CCNY: variants seen among roughly 807,000 people sequenced by gnomAD.
CCNY encodes the protein cyclin Y.
A neutral mutation model predicts 42.8 loss-of-function variants in CCNY; 19 were observed. The observed-to-expected ratio is 0.44, with a 90% CI of 0.31 to 0.65. The LOEUF (loss-of-function observed/expected upper bound fraction) is 0.65. Ranked by LOEUF, CCNY falls within the 30% of genes least tolerant of loss-of-function variation. CCNY has a pLI of 0.07. For synonymous variants in CCNY, 165 were observed against 162.7 expected (o/e 1.01, Z -0.11); for missense variants, 370 against 437.3 (o/e 0.85, Z 1.37).
At chr10:35,456,708 A>G (rs972453319) in intron 1 of CCNY, among the ~76,000 whole-genome samples, 1 of 152,222 alleles carries the variant, frequency 6.6e-6, no homozygotes, top group Non-Finnish European at 1.5e-5. Flanking sequence ...CTCAAGAACC[A>G]GAATGTTTGA....
chr10:35,412,498 G>A (rs929069114), intron 1 of CCNY, among the ~76,000 whole-genome samples: 2 of 152,012 alleles, frequency 1.3e-5, no homozygotes, highest in African/African-American at 2.4e-5. Flanking sequence ...CAGCAGGGAA[G>A]TATGAGGTCA....
intron 3 of CCNY, among the ~76,000 whole-genome samples, chr10:35,327,261 T>A (rs956279346): frequency 1.1e-4 from 16 of 152,184 alleles, no homozygotes; most frequent in Admixed American, 3.9e-4. Flanking sequence ...GCATATATAT[T>A]CAGTTTTGCA....
chr10:35,398,959 C>G (rs538695939), intron 1 of CCNY, among the ~76,000 whole-genome samples: 1 of 152,220 alleles, frequency 6.6e-6, no homozygotes, highest in Non-Finnish European at 1.5e-5. Context: ...ATCAGACATA[C>G]GCCGTGCTTG....
chr10:35,565,640 C>T (rs1841554454), intron 8 of CCNY, among the ~76,000 whole-genome samples: 1 of 152,234 alleles, frequency 6.6e-6, no homozygotes, highest in South Asian at 2.1e-4. Flanking sequence ...TGAGTGTTTT[C>T]CTCTGGGCCC....
chr10:35,255,856 A>G (rs1394222264), intron 3 of CCNY, among the ~76,000 whole-genome samples: 2 of 152,144 alleles, frequency 1.3e-5, no homozygotes, highest in Non-Finnish European at 2.9e-5. Flanking sequence ...CAGCCTCCCA[A>G]AATACTGGGA....
At chr10:35,427,625 ATACATATGT>A (rs1427785023) in intron 1 of CCNY, among the ~76,000 whole-genome samples, 2 of 152,276 alleles carry the variant, frequency 1.3e-5, no homozygotes, top group African/African-American at 4.8e-5. Context: ...AGATACACAC[ATACATATGT>A]TACATATATA....
intron 3 of CCNY, chr10:35,250,820 A>G (rs2095711491): frequency 6.6e-6 from 1 of 152,384 alleles, no homozygotes; most frequent in East Asian, 1.9e-4. Flanking sequence ...AGGGCTTCGC[A>G]TTCATGTTCA....
At chr10:35,352,826 G>C (rs182995665) in intron 1 of CCNY, among the ~76,000 whole-genome samples, 68 of 152,102 alleles carry the variant, frequency 4.5e-4, no homozygotes, top group African/African-American at 1.5e-3. Flanking sequence ...AGTGGTGAAG[G>C]GGGTGGGGCA....
At chr10:35,493,000 G>C (rs769760962) in intron 2 of CCNY, among the ~76,000 whole-genome samples, 4 of 152,192 alleles carry the variant, frequency 2.6e-5, no homozygotes, top group African/African-American at 4.8e-5. Context: ...GCATGGGGGG[G>C]GGAGGGCAGG....
intron 1 of CCNY, among the ~76,000 whole-genome samples, chr10:35,367,370 T>G (rs1488768927): frequency 6.6e-6 from 1 of 152,180 alleles, no homozygotes; most frequent in Admixed American, 6.5e-5. Context: ...CTCTGTAAAA[T>G]GGGACAGTAA....
At chr10:35,445,497 A>C (rs1689709450) in intron 1 of CCNY, among the ~76,000 whole-genome samples, 1 of 152,220 alleles carries the variant, frequency 6.6e-6, no homozygotes, top group South Asian at 2.1e-4. Flanking sequence ...GAAGGGTGGA[A>C]GACTGTTAGA....
chr10:35,487,705 G>A (rs1461866026), intron 2 of CCNY, among the ~76,000 whole-genome samples: 1 of 152,090 alleles, frequency 6.6e-6, no homozygotes, highest in Non-Finnish European at 1.5e-5. Context: ...CCCCTCCAGA[G>A]GCTGAAGGTA....
chr10:35,389,064 C>T (rs1837355072), intron 1 of CCNY, among the ~76,000 whole-genome samples: 1 of 152,226 alleles, frequency 6.6e-6, no homozygotes, highest in Non-Finnish European at 1.5e-5. Flanking sequence ...CATCTGCAAC[C>T]TTAATTCCCC....
At position 35,336,510 on chromosome 10, in the gene CCNY, T is replaced by C. The variant is rs1248909919; in HGVS notation, c.-544T>C. On this transcript the variant is annotated 5_prime_UTR_variant, in exon 1 of 10. Coordinates refer to ENST00000374704, the MANE Select transcript of CCNY (RefSeq NM_145012.6). ...CGCTGGCGAGGGAGGGCCGCCAGCA[T>C]CCTCCCTGGCCGCGCCGCACCGCGC... is the stretch of plus-strand genomic sequence containing the variant. The C allele has an allele frequency of 6.7e-6, 1 of 148,756 alleles. No individual in the cohort carries two copies. The highest frequency in any genetic ancestry group is 1.5e-5 in the Non-Finnish European group (1 of 67,010). 9.2% of individuals were successfully genotyped at this position (148,756 alleles called of 1,614,324 possible).
chr10:35,426,596 G>A (rs1838279530), intron 1 of CCNY, among the ~76,000 whole-genome samples: 1 of 152,168 alleles, frequency 6.6e-6, no homozygotes, highest in Non-Finnish European at 1.5e-5. Flanking sequence ...TGTGTAATAC[G>A]TTTTTAGAAT....
rs112176773 is a variant in CCNY, at chr10:35,309,465, C to T, written c.-9+58839C>T. Among the ~76,000 whole-genome samples, 533 of 152,248 alleles carry T rather than the reference C, an allele frequency of 3.5e-3. 4 individuals carry two copies. Among genetic ancestry groups the T allele is most frequent in the African/African-American group, 0.012 (485 of 41,536 alleles). On this transcript the variant is annotated intron_variant, in intron 3 of 11. Coordinates refer to the CCNY transcript ENST00000374706. ...TCAGAGACAGAATCTGGGTGTCACC[C>T]GGGCTGAAGTGCAGTGGCACCATCA...
At chr10:35,399,150 T>C (rs1035954079) in intron 1 of CCNY, among the ~76,000 whole-genome samples, 3 of 152,216 alleles carry the variant, frequency 2.0e-5, no homozygotes, top group African/African-American at 7.2e-5. Context: ...TTTATAAAGT[T>C]CCTGCTTTTT....
At chr10:35,410,652 GCTAA>G (rs896367732) in intron 1 of CCNY, among the ~76,000 whole-genome samples, 1 of 152,210 alleles carries the variant, frequency 6.6e-6, no homozygotes, top group Non-Finnish European at 1.5e-5. Flanking sequence ...ACAAAGAAGA[GCTAA>G]CTAACTAAAA....
rs746373798 is a variant in CCNY at position 35,442,192 on chromosome 10, G to A, written c.155-41212G>A. On this transcript the variant is annotated intron_variant, in intron 1 of 9. Transcript: ENST00000374704. ...TCCTGATGTGTAGGGCCCTGTTTGC[G>A]TTGGAGTGATGCAGATCTCTGAGGC... Among the ~76,000 whole-genome samples, 11 of 152,176 alleles carry A rather than the reference G, an allele frequency of 7.2e-5. No individual in the cohort carries two copies. The East Asian group carries it at 1.3e-3, about 19-fold the overall frequency.
Sources: gnomAD v4.1 joint callset for allele counts (sites outside exome capture counted in the v4.1 genomes callset) on GRCh38, gnomAD v4.1.1 for gene constraint, MANE v1.5 for transcripts, NCBI Gene and HGNC (gene_info 2026-07-23, HGNC 2026-07-21) for gene names.